The following TMC8 variants were observed in gnomAD, a reference collection of about 807,000 sequenced individuals.
TMC8 encodes the protein transmembrane channel like 8, also known as transmembrane channel-like protein 8.
In TMC8, 71 loss-of-function variants were observed where a neutral mutation model predicts 76.0. The observed-to-expected ratio is 0.93, with a 90% CI of 0.77 to 1.14. The LOEUF (loss-of-function observed/expected upper bound fraction) is 1.14, where lower values mean the gene tolerates loss of function less well. TMC8 is among the 50% of genes most tolerant of loss of function. The pLI is 0.00. For synonymous variants in TMC8, 433 were observed against 433.8 expected (o/e 1.00, Z 0.02); for missense variants, 924 against 947.9 (o/e 0.97, Z 0.33).
Position 78,131,496 on chromosome 17 carries a change from GC to G in TMC8, c.-91del. The G allele has an allele frequency of 6.6e-7, 1 of 1,504,778 alleles. No individual in the cohort carries two copies. Among genetic ancestry groups the G allele is most frequent in the South Asian group, 1.2e-5 (1 of 83,050 alleles). The allele number at this position is 1,504,778 out of a possible 1,614,324, so 93.2% of individuals were successfully genotyped here. ...CGCCCCCAGCCCAGCGTGCACAGAG[GC>G]CATAGCCAAGGCCTTAAGGCTCATC... is the stretch of plus-strand genomic sequence containing the variant. On this transcript the variant is annotated 5_prime_UTR_variant, in exon 2 of 16. It removes the in-frame stop codon of an upstream open reading frame in the 5' UTR. Coordinates refer to ENST00000318430, the MANE Select transcript of TMC8 (RefSeq NM_152468.5).
At position 78,135,026 on chromosome 17, in the gene TMC8, G is replaced by C; in HGVS notation, c.1127+17G>C. 1 of 1,613,694 alleles carries C rather than the reference G, an allele frequency of 6.2e-7. No individual in the cohort carries two copies. Reference sequence around the variant, plus strand: ...TCTGATCTGGTGAGTGCCACCCTTGGTGGGGACAAGTGGGCATGTAACAAG... The same window carrying C: ...TCTGATCTGGTGAGTGCCACCCTTGCTGGGGACAAGTGGGCATGTAACAAG... On this transcript the variant is annotated intron_variant, in intron 9 of 15. Transcript: ENST00000318430.
At position 78,131,373 on chromosome 17, in the gene TMC8, T is replaced by G; in HGVS notation, c.-216T>G. On this transcript the variant is annotated 5_prime_UTR_variant, in exon 2 of 16. Coordinates refer to ENST00000318430, the MANE Select transcript of TMC8 (RefSeq NM_152468.5). ...CCGCAGCAGGATTCTCTCTCATTTC[T>G]GAGCCCCGGAGGTGGCAGAGCGGCA... The G allele has an allele frequency of 1.5e-6, 1 of 646,770 alleles. No individual in the cohort carries two copies. Among genetic ancestry groups the G allele is most frequent in the African/African-American group, 1.8e-5 (1 of 54,754 alleles). The allele number at this position is 646,770 out of a possible 1,614,324, so 40.1% of individuals were successfully genotyped here. A position where few individuals can be genotyped will look rare whatever the true frequency, so the allele number is the denominator to read the frequency against.
chr17:78,137,572 A>T lies in TMC8; in HGVS notation c.1252-145A>T, dbSNP rs1212747903. The T allele has an allele frequency of 5.4e-6, 6 of 1,111,892 alleles. No homozygotes were observed. In the East Asian group the frequency reaches 1.2e-4, roughly 22 times the overall value. The allele number at this position is 1,111,892 out of a possible 1,614,324, so 68.9% of individuals were successfully genotyped here. On this transcript the variant is annotated intron_variant, in intron 10 of 15. Transcript: ENST00000318430. ...CTGTGGGGCTTCCTGCTCTAATCCC[A>T]TCCTCAAGGCCTGGGTTTCAACCTA...
chr17:78,142,402 T>C lies in TMC8; in HGVS notation c.*1290T>C, dbSNP rs541312425. 108 of 152,418 alleles carry C rather than the reference T, an allele frequency of 7.1e-4. No homozygotes were observed. Among genetic ancestry groups the C allele is most frequent in the African/African-American group, 2.5e-3 (106 of 41,596 alleles). 9.4% of individuals were successfully genotyped at this position (152,418 alleles called of 1,614,324 possible). On this transcript the variant is annotated 3_prime_UTR_variant, in exon 16 of 16. Transcript: ENST00000318430. ...CCAGCTCCTGGCTGGACTCCTGGTC[T>C]GGACTCAGCATCAGGGAGGCTCTGG...
At position 78,131,576 on chromosome 17, in the gene TMC8, C is replaced by A; in HGVS notation, c.-13C>A. On this transcript the variant is annotated 5_prime_UTR_variant, in exon 2 of 16. Transcript: ENST00000318430. ...GCAGCCCGGCGCCCCAGCCTCTACC[C>A]GTGCCCGCCGAGATGCTGCTGCCGC... 1 of 1,542,672 alleles carries A rather than the reference C, an allele frequency of 6.5e-7. No individual in the cohort carries two copies. The highest frequency in any genetic ancestry group is 8.7e-7 in the Non-Finnish European group (1 of 1,146,554).
chr17:78,134,324 C>T (rs2075155176), intron 7 of TMC8, 70 bp from the exon 8 acceptor site: 3 of 1,547,444 alleles, frequency 1.9e-6, no homozygotes, highest in East Asian at 4.5e-5. Flanking sequence ...TGTGTGAGAG[C>T]GTTTCCTGCA....
chr17:78,132,481 C>A lies in TMC8; in HGVS notation c.421C>A (p.Pro141Thr), dbSNP rs569507457. ...GCTGCCCCTGGTCTGGCTCCGCCCC[C>A]CTGACCCAGGCCCCACCCTGAACTT... ...VLLPLVWLRP[P>T]DPGPTLNLTL... Residue 141 changes from proline to threonine, a missense_variant, in exon 4 of 16, where the codon CCT becomes ACT. Coordinates refer to ENST00000318430, the MANE Select transcript of TMC8 (RefSeq NM_152468.5). 1 of 1,611,448 alleles carries A rather than the reference C, an allele frequency of 6.2e-7. No homozygotes were observed. The highest frequency in any genetic ancestry group is 1.7e-5 in the Admixed American group (1 of 59,826).
Position 78,132,339 on chromosome 17 carries a change from A to T in TMC8, c.299-20A>T. Reference sequence around the variant, plus strand: ...GCCCCGGCCCCGGCCTCCCTGACCCACCCTGCTCTCCCACTGCAGGCCTCT... The same window carrying T: ...GCCCCGGCCCCGGCCTCCCTGACCCTCCCTGCTCTCCCACTGCAGGCCTCT... On this transcript the variant is annotated intron_variant, in intron 3 of 15. Coordinates refer to ENST00000318430, the MANE Select transcript of TMC8 (RefSeq NM_152468.5). 2 of 1,611,538 alleles carry T rather than the reference A, an allele frequency of 1.2e-6. No homozygotes were observed. The highest frequency in any genetic ancestry group is 2.2e-5 in the South Asian group (2 of 90,994).
chr17:78,139,949 G>C (rs542112209), intron 15 of TMC8, among the ~76,000 whole-genome samples: 1 of 152,190 alleles, frequency 6.6e-6, no homozygotes, highest in East Asian at 1.9e-4. Context: ...CAGGAGAATC[G>C]TTTAAACTCA....
At chr17:78,136,033 G>C (rs973764243) in intron 9 of TMC8, among the ~76,000 whole-genome samples, 1 of 152,026 alleles carries the variant, frequency 6.6e-6, no homozygotes, top group African/African-American at 2.4e-5. Context: ...CAGCCTGGGT[G>C]ACAGAGTGTG....
At chr17:78,132,722 A>C (rs1287255735) in intron 4 of TMC8, 66 bp from the exon 5 acceptor site, 3 of 1,572,224 alleles carry the variant, frequency 1.9e-6, no homozygotes, top group African/African-American at 2.7e-5. Context: ...GTTATAGAGC[A>C]GTAGCCGCAG....
At chr17:78,133,703 C>T (rs1006726984) in intron 6 of TMC8, 150 bp from the exon 7 acceptor site, 19 of 1,515,656 alleles carry the variant, frequency 1.3e-5, no homozygotes, top group Non-Finnish European at 1.7e-5. Flanking sequence ...ACCTTAGGAA[C>T]AGGGCCACCG....
rs55694641 is a variant in TMC8, at chr17:78,137,612, C to T, written c.1252-105C>T. The T allele has an allele frequency of 0.15, 176,496 of 1,192,496 alleles. 13,866 individuals are homozygous for T. The highest frequency in any genetic ancestry group is 0.22 in the East Asian group (9,300 of 42,948). 73.9% of individuals were successfully genotyped at this position (1,192,496 alleles called of 1,614,324 possible). A position where few individuals can be genotyped will look rare whatever the true frequency, so the allele number is the denominator to read the frequency against. On this transcript the variant is annotated intron_variant, in intron 10 of 15. Coordinates refer to ENST00000318430, the MANE Select transcript of TMC8 (RefSeq NM_152468.5). Reference sequence around the variant, plus strand: ...GTTTCAACCTAACGATTCTATCAGACACCAGGCAAGGCACCTGCACCACAG... The same window carrying T: ...GTTTCAACCTAACGATTCTATCAGATACCAGGCAAGGCACCTGCACCACAG...
At position 78,137,004 on chromosome 17, in the gene TMC8, C is replaced by A. The variant is rs145165327; in HGVS notation, c.1128-231C>A. 7.4e-4 allele frequency: 396 copies of A among 531,656 alleles called. 1 individual carries two copies. Among genetic ancestry groups the A allele is most frequent in the African/African-American group, 6.3e-3 (331 of 52,238 alleles). The allele number at this position is 531,656 out of a possible 1,614,324, so 32.9% of individuals were successfully genotyped here. On this transcript the variant is annotated intron_variant, in intron 9 of 15. Coordinates refer to ENST00000318430, the MANE Select transcript of TMC8 (RefSeq NM_152468.5). ...CCTGCCTGGGTGACAGAGTGAGACT[C>A]GGTCTTGAAACAAAACGAAAACACA...
In TMC8 at chr17:78,133,900, A is replaced by G. The variant is rs754248705; in HGVS notation, c.716A>G (p.Gln239Arg). 1.2e-6 allele frequency: 2 copies of G among 1,613,502 alleles called. No homozygotes were observed. The highest frequency in any genetic ancestry group is 2.2e-5 in the South Asian group (2 of 91,090). The change falls in exon 7 of 16, where the codon CAG becomes CGG. Residue 239 changes from glutamine to arginine, a missense_variant. Physicochemically the swap from Gln to Arg is conservative, Grantham distance 43. Coordinates refer to ENST00000318430, the MANE Select transcript of TMC8 (RefSeq NM_152468.5). ...PQKTLLGQGY[Q>R]APLSAKVFSS... ...AAGACTCTGCTGGGTCAGGGCTATC[A>G]GGCGCCTCTCAGCGCCAAGGTCTTC...
chr17:78,137,539 T>C (rs2075265985), intron 10 of TMC8, 178 bp from the exon 11 acceptor site: 1 of 1,217,272 alleles, frequency 8.2e-7, no homozygotes. Flanking sequence ...GTAGTGTGGC[T>C]GCCCTGGCTG....
rs766782170 is a variant in TMC8 at position 78,134,402 on chromosome 17, G to A, written c.825G>A (p.Leu275=). Residue 275 remains leucine, a synonymous_variant, in exon 8 of 16, where the codon CTG becomes CTA. Coordinates refer to ENST00000318430, the MANE Select transcript of TMC8 (RefSeq NM_152468.5). ...HEISNEFKVE[L]EEGRRFQLMQ... is the part of the protein sequence containing the mutation. ...CCCACCCTTCCGGGCAGGTGGAGCTGGAGGAGGGCCGTCGCTTCCAGCTGA... is the reference window on the plus strand; with the variant it reads ...CCCACCCTTCCGGGCAGGTGGAGCTAGAGGAGGGCCGTCGCTTCCAGCTGA... The A allele has an allele frequency of 1.2e-6, 2 of 1,611,484 alleles. No individual in the cohort carries two copies. The highest frequency in any genetic ancestry group is 1.7e-6 in the Non-Finnish European group (2 of 1,180,014).
At position 78,131,329 on chromosome 17, in the gene TMC8, G is replaced by A; in HGVS notation, c.-260G>A. ...GTGTGTCCCTCTGAGAGTTGGAGCG[G>A]GGCTGGGCCCGAATTCGACCGCAGC... On this transcript the variant is annotated 5_prime_UTR_variant, in exon 2 of 16. Transcript: ENST00000318430. 1.7e-6 allele frequency: 1 copy of A among 583,256 alleles called. No individual in the cohort carries two copies. Among genetic ancestry groups the A allele is most frequent in the Non-Finnish European group, 3.1e-6 (1 of 327,024 alleles). 36.1% of individuals were successfully genotyped at this position (583,256 alleles called of 1,614,324 possible).
At chr17:78,134,810 G>T in intron 8 of TMC8, 60 bp from the exon 9 acceptor site, 1 of 1,608,134 alleles carries the variant, frequency 6.2e-7, no homozygotes, top group Non-Finnish European at 8.5e-7. Context: ...ACTGTGGGGG[G>T]CGGGGAGCAG....
Sources: gnomAD v4.1 joint callset for allele counts (sites outside exome capture counted in the v4.1 genomes callset) on GRCh38, gnomAD v4.1.1 for gene constraint, MANE v1.5 for transcripts, NCBI Gene and HGNC (gene_info 2026-07-23, HGNC 2026-07-21) for gene names.